The following MARCHF6 variants were observed in gnomAD, a reference collection of about 807,000 sequenced individuals.
MARCHF6 encodes the protein membrane associated ring-CH-type finger 6.
A neutral mutation model predicts 133.7 loss-of-function variants in MARCHF6; 31 were observed. The observed-to-expected ratio is 0.23, with a 90% CI of 0.17 to 0.31. The LOEUF (loss-of-function observed/expected upper bound fraction) is 0.31, where lower values mean the gene tolerates loss of function less well. Among genes scored for constraint, MARCHF6 ranks in the 10% least tolerant of loss-of-function variants. MARCHF6 has a pLI of 1.00. For synonymous variants in MARCHF6, 395 were observed against 402.5 expected, an observed-to-expected ratio of 0.98 and a Z score of 0.22; for missense variants, 723 against 1,121.6, an observed-to-expected ratio of 0.64 and a Z score of 5.08.
chr5:10,367,008 G>GATATA (rs1312770329), intron 1 of MARCHF6, among the ~76,000 whole-genome samples: 2 of 140,868 alleles, frequency 1.4e-5, no homozygotes, highest in African/African-American at 5.4e-5. Context: ...GATATGATAT[G>GATATA]ATATAAGATG....
At chr5:10,425,239 A>G (rs139311534) in intron 23 of MARCHF6, among the ~76,000 whole-genome samples, 1,661 of 152,238 alleles carry the variant, frequency 0.011, 29 homozygotes, top group African/African-American at 0.038. Flanking sequence ...GTGTGTCTCT[A>G]AAGTATGGGC....
Position 10,375,353 on chromosome 5 carries a change from C to T in MARCHF6, c.20-2445C>T, listed in dbSNP as rs553129502. Among the ~76,000 whole-genome samples the T allele has an allele frequency of 4.3e-4, 66 of 152,356 alleles. No individual in the cohort carries two copies. In the East Asian group the frequency reaches 6.2e-3, roughly 14 times the overall value. On this transcript the variant is annotated intron_variant, in intron 1 of 25. Transcript: ENST00000274140. ...TCCCCCAGCAGTGCCGGCCCACCGG[C>T]GCTGTGCTCGATTTCTTGCCGGGCC... is the stretch of plus-strand genomic sequence containing the variant.
At chr5:10,353,943 A>C (rs1452934869) in intron 1 of MARCHF6, 26 bp downstream of exon 1, 1 of 1,541,746 alleles carries the variant, frequency 6.5e-7, no homozygotes, top group Non-Finnish European at 8.7e-7. Context: ...GCGGCGCCCG[A>C]GCCCTTGCGT....
intron 19 of MARCHF6, among the ~76,000 whole-genome samples, chr5:10,413,822 C>T (rs1388028690): frequency 6.6e-6 from 1 of 152,160 alleles, no homozygotes; most frequent in East Asian, 1.9e-4. Context: ...CTCCACCTGG[C>T]CCTTCCCTTG....
At chr5:10,432,401 CTG>C (rs1740414336) in intron 25 of MARCHF6, among the ~76,000 whole-genome samples, 1 of 152,244 alleles carries the variant, frequency 6.6e-6, no homozygotes, top group Non-Finnish European at 1.5e-5. Flanking sequence ...TCACTCAACT[CTG>C]TGGGCTTTTA....
chr5:10,421,468 G>A (rs1225062414), intron 22 of MARCHF6, among the ~76,000 whole-genome samples: 1 of 152,204 alleles, frequency 6.6e-6, no homozygotes, highest in African/African-American at 2.4e-5. Flanking sequence ...CCAAGTTTTT[G>A]AAGGAACAGT....
intron 25 of MARCHF6, among the ~76,000 whole-genome samples, chr5:10,432,140 G>A (rs927402687): frequency 1.3e-5 from 2 of 152,212 alleles, no homozygotes; most frequent in East Asian, 1.9e-4. Flanking sequence ...AGGCTTGTGT[G>A]CATTTACAGA....
chr5:10,364,242 A>C (rs1360205344), intron 1 of MARCHF6, among the ~76,000 whole-genome samples: 1 of 152,144 alleles, frequency 6.6e-6, no homozygotes, highest in East Asian at 1.9e-4. Context: ...TGCTGGTGGG[A>C]GTGTAAAGTG....
At chr5:10,362,683 G>A (rs1042663930) in intron 1 of MARCHF6, among the ~76,000 whole-genome samples, 10 of 152,054 alleles carry the variant, frequency 6.6e-5, no homozygotes, top group Non-Finnish European at 1.2e-4. Context: ...ATAAAAACTC[G>A]GCATCACACA....
At chr5:10,428,767 A>G (rs1016074929) in intron 24 of MARCHF6, among the ~76,000 whole-genome samples, 2 of 152,126 alleles carry the variant, frequency 1.3e-5, no homozygotes, top group Admixed American at 6.5e-5. Flanking sequence ...AGCATATATT[A>G]TGTTCTGCCC....
chr5:10,398,199 G>T (rs1033840917), intron 10 of MARCHF6, among the ~76,000 whole-genome samples: 2 of 152,210 alleles, frequency 1.3e-5, no homozygotes, highest in Admixed American at 6.5e-5. Flanking sequence ...AAGAGGATGA[G>T]TAGAGATTTC....
intron 5 of MARCHF6, among the ~76,000 whole-genome samples, chr5:10,387,450 T>G (rs1737550425): frequency 6.6e-6 from 1 of 151,904 alleles, no homozygotes; most frequent in Admixed American, 6.6e-5. Flanking sequence ...TTACAGGCAC[T>G]CGCCAGCATG....
intron 4 of MARCHF6, among the ~76,000 whole-genome samples, chr5:10,384,638 C>T (rs1021160171): frequency 3.3e-5 from 5 of 152,126 alleles, no homozygotes. Context: ...TGAAAAACTG[C>T]TCAGCATCAT....
At chr5:10,407,038 C>T in intron 16 of MARCHF6, 64 bp from the exon 17 acceptor site, 1 of 873,286 alleles carries the variant, frequency 1.1e-6, no homozygotes, top group Non-Finnish European at 1.9e-6. Flanking sequence ...GCTCAGAAGT[C>T]TGCCTGTCTT....
chr5:10,416,564 AT>A (rs1420203154), intron 21 of MARCHF6, among the ~76,000 whole-genome samples: 1 of 152,178 alleles, frequency 6.6e-6, no homozygotes, highest in Non-Finnish European at 1.5e-5. Flanking sequence ...AGAAACAAGT[AT>A]TTTGTCTTCC....
In MARCHF6 at chr5:10,388,432, A is replaced by T. The variant is rs1737618810; in HGVS notation, c.407+1366A>T. ...TATGTATTCTGTAGCTCAGTAATTG[A>T]GGTCATGTCTAGGTGCACTGTATCA... On this transcript the variant is annotated intron_variant, in intron 5 of 25. Transcript: ENST00000274140. 1.3e-5 allele frequency among the ~76,000 whole-genome samples: 2 copies of T among 152,148 alleles called. 1 individual carries two copies. Among genetic ancestry groups the T allele is most frequent in the South Asian group, 4.1e-4 (2 of 4,830 alleles).
At chr5:10,425,332 A>T (rs1046065433) in intron 23 of MARCHF6, among the ~76,000 whole-genome samples, 2 of 152,142 alleles carry the variant, frequency 1.3e-5, no homozygotes, top group Admixed American at 1.3e-4. Flanking sequence ...AGGCCAGTAC[A>T]CTCTAGAATG....
intron 5 of MARCHF6, among the ~76,000 whole-genome samples, chr5:10,387,766 G>GTTCAAGTGAT (rs1737581344): frequency 6.6e-6 from 1 of 152,008 alleles, no homozygotes; most frequent in Admixed American, 6.6e-5. Context: ...TGCCTTCTGG[G>GTTCAAGTGAT]TCTCCTACTT....
At chr5:10,415,390 A>G (rs912238560) in intron 20 of MARCHF6, 98 bp from the exon 21 acceptor site, 42 of 1,101,284 alleles carry the variant, frequency 3.8e-5, no homozygotes, top group Non-Finnish European at 3.3e-5. Flanking sequence ...CGAATGTGAT[A>G]TCTTTTTCCT....
Sources: gnomAD v4.1 joint callset for allele counts (sites outside exome capture counted in the v4.1 genomes callset) on GRCh38, gnomAD v4.1.1 for gene constraint, MANE v1.5 for transcripts, NCBI Gene and HGNC (gene_info 2026-07-23, HGNC 2026-07-21) for gene names.